The following PRKDC variants were observed in gnomAD, a reference collection of about 807,000 sequenced individuals.
The protein encoded by PRKDC is DNA-dependent protein kinase catalytic subunit.
In PRKDC, 82 loss-of-function variants were observed where a neutral mutation model predicts 486.9. The observed-to-expected ratio is 0.17, with a 90% confidence interval of 0.14 to 0.20. The LOEUF (loss-of-function observed/expected upper bound fraction) is 0.20. Ranked by LOEUF, PRKDC falls within the 10% of genes least tolerant of loss-of-function variation. PRKDC has a pLI of 1.00. For synonymous variants in PRKDC, 1,895 were observed against 1,837.0 expected (o/e 1.03, Z -0.81); for missense variants, 4,504 against 5,038.2 (o/e 0.89, Z 3.21).
intron 7 of PRKDC, among the ~76,000 whole-genome samples, chr8:47,946,904 C>T (rs1423598269): frequency 1.3e-5 from 2 of 152,188 alleles, no homozygotes; most frequent in South Asian, 2.1e-4. Flanking sequence ...TAACTCACAT[C>T]CCACACCCAA....
At chr8:47,912,833 C>T (rs1243470388) in intron 24 of PRKDC, among the ~76,000 whole-genome samples, 1 of 152,200 alleles carries the variant, frequency 6.6e-6, no homozygotes, top group Non-Finnish European at 1.5e-5. Context: ...TATTAAAGAA[C>T]TATATAACTT....
chr8:47,907,770 G>A (rs550340550), intron 25 of PRKDC, among the ~76,000 whole-genome samples: 4 of 151,636 alleles, frequency 2.6e-5, no homozygotes, highest in East Asian at 3.9e-4. Flanking sequence ...CCTGACCCCC[G>A]GCCAATTTAT....
At chr8:47,922,731 GA>G (rs1446651650) in intron 21 of PRKDC, among the ~76,000 whole-genome samples, 1 of 152,154 alleles carries the variant, frequency 6.6e-6, no homozygotes, top group Non-Finnish European at 1.5e-5. Flanking sequence ...TTGTGGGTTA[GA>G]ACTAGTAGCA....
In PRKDC at chr8:47,778,649, A is replaced by G; in HGVS notation, c.11663T>C (p.Val3888Ala). The G allele has an allele frequency of 6.2e-7, 1 of 1,613,448 alleles. No individual in the cohort carries two copies. Among genetic ancestry groups the G allele is most frequent in the Non-Finnish European group, 8.5e-7 (1 of 1,179,648 alleles). Reference sequence around the variant, plus strand: ...AGCCTCAGGGCTTGTACTCATCCTCACGAAGGCCCGCCTACAAAAGAGACA... The same window carrying G: ...AGCCTCAGGGCTTGTACTCATCCTCGCGAAGGCCCGCCTACAAAAGAGACA... ...VPADLLKRAF[V>A]RMSTSPEAFL... The change falls in exon 83 of 86, where the codon GTG becomes GCG. Residue 3888 changes from valine (V) to alanine (A), a missense_variant. Transcript: ENST00000314191.
Position 47,777,669 on chromosome 8 carries a change from C to T in PRKDC, c.12042+17G>A. On this transcript the variant is annotated intron_variant, in intron 84 of 85. Transcript: ENST00000314191. Reference sequence around the variant, plus strand: ...CACTGTCACAAAAGTGAAAAGTGCACATGAAACAAAACCTACTTTCCAATC... The same window carrying T: ...CACTGTCACAAAAGTGAAAAGTGCATATGAAACAAAACCTACTTTCCAATC... The T allele has an allele frequency of 6.4e-7, 1 of 1,563,488 alleles. No individual in the cohort carries two copies.
At chr8:47,918,850 C>A (rs926629040) in intron 21 of PRKDC, among the ~76,000 whole-genome samples, 7 of 152,142 alleles carry the variant, frequency 4.6e-5, no homozygotes, top group Non-Finnish European at 1.0e-4. Context: ...ATTTTGCAAC[C>A]ATCAAAGTAA....
chr8:47,930,155 T>C, intron 17 of PRKDC, 143 bp from the exon 18 acceptor site: 1 of 639,942 alleles, frequency 1.6e-6, no homozygotes, highest in South Asian at 2.6e-5. Context: ...ATATCTATAA[T>C]CCATTTTTCT....
At chr8:47,912,198 C>T (rs187373740) in intron 25 of PRKDC, among the ~76,000 whole-genome samples, 134 of 152,236 alleles carry the variant, frequency 8.8e-4, no homozygotes, top group Non-Finnish European at 1.5e-3. Flanking sequence ...TCCCAAACTC[C>T]GAGACACACT....
intron 50 of PRKDC, among the ~76,000 whole-genome samples, 163 bp from the exon 51 acceptor site, chr8:47,854,377 G>A (rs1292274707): frequency 3.3e-5 from 5 of 152,194 alleles, no homozygotes; most frequent in Admixed American, 6.5e-5. Context: ...TCGCTTTGTC[G>A]CCCAGGCTGG....
chr8:47,910,964 T>C (rs962091397), intron 25 of PRKDC, among the ~76,000 whole-genome samples: 3 of 152,242 alleles, frequency 2.0e-5, no homozygotes, highest in Non-Finnish European at 4.4e-5. Context: ...TTATAATTCA[T>C]CAGCTTTTTC....
intron 81 of PRKDC, 39 bp from the exon 82 acceptor site, chr8:47,778,838 TTC>T (rs754059871): frequency 2.0e-5 from 32 of 1,567,992 alleles, no homozygotes; most frequent in East Asian, 1.6e-4. Flanking sequence ...TAGAAAAAAT[TTC>T]TCTGACTTAA....
intron 74 of PRKDC, among the ~76,000 whole-genome samples, chr8:47,792,605 A>G (rs150937262): frequency 2.4e-4 from 36 of 152,304 alleles, no homozygotes; most frequent in African/African-American, 7.7e-4. Context: ...CTAAAAGAGT[A>G]TAACTGGAAT....
intron 68 of PRKDC, among the ~76,000 whole-genome samples, chr8:47,816,312 C>T (rs2087445727): frequency 6.6e-6 from 1 of 152,178 alleles, no homozygotes; most frequent in Non-Finnish European, 1.5e-5. Context: ...ACCTGAGTCC[C>T]ACCATGAGGA....
At chr8:47,892,162 G>C (rs148105334) in intron 31 of PRKDC, among the ~76,000 whole-genome samples, 1 of 151,752 alleles carries the variant, frequency 6.6e-6, no homozygotes, top group African/African-American at 2.4e-5. Context: ...GAGCCACCGC[G>C]TCCGGCCATG....
intron 84 of PRKDC, 76 bp downstream of exon 84, chr8:47,777,610 T>A (rs1295979395): frequency 7.3e-7 from 1 of 1,363,166 alleles, no homozygotes; most frequent in East Asian, 2.3e-5. Context: ...TGCACTTCCA[T>A]CATACACGAG....
chr8:47,822,668 T>C (rs4873706), intron 64 of PRKDC, among the ~76,000 whole-genome samples: 3,066 of 151,350 alleles, frequency 0.02, 242 homozygotes, highest in Admixed American at 0.14. Flanking sequence ...CGGGCACCTG[T>C]AGTCCCAGCT....
chr8:47,905,716 C>T (rs2089768215), intron 25 of PRKDC, among the ~76,000 whole-genome samples: 1 of 152,174 alleles, frequency 6.6e-6, no homozygotes, highest in Non-Finnish European at 1.5e-5. Context: ...GCCTCTCCCA[C>T]TGCTGCCAAA....
chr8:47,862,838 G>A (rs1223794132), intron 42 of PRKDC, among the ~76,000 whole-genome samples: 2 of 152,224 alleles, frequency 1.3e-5, no homozygotes, highest in Admixed American at 1.3e-4. Context: ...AGTCATGACT[G>A]AACGGTGACA....
chr8:47,930,398 G>A (rs560490099), intron 17 of PRKDC, among the ~76,000 whole-genome samples: 19 of 152,074 alleles, frequency 1.2e-4, no homozygotes, highest in Admixed American at 9.2e-4. Context: ...TCAGCCTCCC[G>A]AGTAGCTGGG....
Sources: allele counts gnomAD v4.1 joint callset (sites outside exome capture counted in the v4.1 genomes callset), GRCh38; gene constraint gnomAD v4.1.1; transcripts MANE v1.5; gene names NCBI Gene and HGNC (gene_info 2026-07-23, HGNC 2026-07-21).